MTUS1: variants seen among roughly 807,000 people sequenced by gnomAD.
The protein encoded by MTUS1 is microtubule associated scaffold protein 1.
A neutral mutation model predicts 120.8 loss-of-function variants in MTUS1; 109 were observed. The ratio of observed to expected loss-of-function variants is 0.90; its 90% CI spans 0.77 to 1.06. The LOEUF (loss-of-function observed/expected upper bound fraction) is 1.06. Ranked by LOEUF, MTUS1 falls within the 50% of genes least tolerant of loss-of-function variation. The pLI, the probability that MTUS1 is intolerant of heterozygous loss-of-function variation, is 0.00. For missense variants in MTUS1, 2,210 were observed against 1,486.3 expected (o/e 1.49, Z -8.01); for synonymous variants, 737 against 550.5 (o/e 1.34, Z -4.74).
intron 1 of MTUS1, among the ~76,000 whole-genome samples, chr8:17,776,397 C>A (rs1385408912): frequency 6.6e-6 from 1 of 152,088 alleles, no homozygotes; most frequent in African/African-American, 2.4e-5. Context: ...AGAAGTCTCA[C>A]ATACGAGGCC....
chr8:17,696,067 A>C (rs558829541), intron 6 of MTUS1, among the ~76,000 whole-genome samples: 71 of 152,264 alleles, frequency 4.7e-4, no homozygotes, highest in Non-Finnish European at 1.0e-3. Flanking sequence ...AATATAGGGC[A>C]CCCTTTGTTA....
At chr8:17,651,279 G>T (rs936922122) in intron 12 of MTUS1, among the ~76,000 whole-genome samples, 2 of 152,072 alleles carry the variant, frequency 1.3e-5, no homozygotes, top group East Asian at 3.9e-4. Context: ...TAGTGTTCAA[G>T]AACATAGTAG....
At chr8:17,652,068 G>C (rs1286657954) in intron 12 of MTUS1, among the ~76,000 whole-genome samples, 1 of 152,222 alleles carries the variant, frequency 6.6e-6, no homozygotes, top group Non-Finnish European at 1.5e-5. Flanking sequence ...ACTTTCTAGA[G>C]CTGGCCAGAG....
intron 1 of MTUS1, among the ~76,000 whole-genome samples, chr8:17,790,450 T>C (rs1362019745): frequency 1.3e-5 from 2 of 152,206 alleles, no homozygotes; most frequent in Admixed American, 6.5e-5. Context: ...AATCTAATTA[T>C]TCAAATGATT....
intron 7 of MTUS1, among the ~76,000 whole-genome samples, chr8:17,682,655 G>C (rs1814814079): frequency 6.6e-6 from 1 of 152,036 alleles, no homozygotes; most frequent in South Asian, 2.1e-4. Flanking sequence ...CACAGGACTT[G>C]ACTGACGTCA....
chr8:17,793,152 G>A (rs1054365031), intron 1 of MTUS1, among the ~76,000 whole-genome samples: 2 of 152,194 alleles, frequency 1.3e-5, no homozygotes, highest in African/African-American at 2.4e-5. Context: ...CACGAATAGG[G>A]AATGTCATAA....
intron 1 of MTUS1, among the ~76,000 whole-genome samples, chr8:17,782,335 A>G (rs1398012151): frequency 3.3e-5 from 5 of 152,236 alleles, no homozygotes. Context: ...CTATTTATAG[A>G]CATAACCATA....
At chr8:17,678,656 A>C (rs1813613767) in intron 7 of MTUS1, among the ~76,000 whole-genome samples, 1 of 151,558 alleles carries the variant, frequency 6.6e-6, no homozygotes, top group South Asian at 2.1e-4. Flanking sequence ...TGCTCAATGC[A>C]TCTATGTTTT....
At chr8:17,791,056 T>C (rs905751797) in intron 1 of MTUS1, among the ~76,000 whole-genome samples, 1 of 152,130 alleles carries the variant, frequency 6.6e-6, no homozygotes, top group Admixed American at 6.5e-5. Flanking sequence ...ACTTATTACT[T>C]CCACTCGCAT....
At chr8:17,682,961 G>T (rs1429593894) in intron 7 of MTUS1, among the ~76,000 whole-genome samples, 1 of 151,988 alleles carries the variant, frequency 6.6e-6, no homozygotes, top group Non-Finnish European at 1.5e-5. Context: ...TCTGGAGAAA[G>T]CTGTAAAATA....
rs1009672789 is a variant in MTUS1, at chr8:17,645,844, T to C, written c.*82A>G. On this transcript the variant is annotated 3_prime_UTR_variant, in exon 15 of 15. Transcript: ENST00000693296. ...ATCACACGTGTGCTGATATACCTCT[T>C]GTGCCCACGTTCCTCCTTGGGGTCA... The C allele has an allele frequency of 8.6e-6, 13 of 1,510,566 alleles. No individual in the cohort carries two copies. Among genetic ancestry groups the C allele is most frequent in the African/African-American group, 1.4e-5 (1 of 72,802 alleles). The allele number at this position is 1,510,566 out of a possible 1,614,324, so 93.6% of individuals were successfully genotyped here. A position where few individuals can be genotyped will look rare whatever the true frequency, so the allele number is the denominator to read the frequency against.
chr8:17,692,348 A>G (rs917390741), intron 6 of MTUS1: 13 of 152,176 alleles, frequency 8.5e-5, no homozygotes, highest in Admixed American at 3.3e-4. Context: ...TCCTTCCTGG[A>G]GCAGCTACTG....
chr8:17,772,840 G>T (rs2050118655), intron 1 of MTUS1, among the ~76,000 whole-genome samples: 1 of 152,004 alleles, frequency 6.6e-6, no homozygotes, highest in Admixed American at 6.6e-5. Context: ...AGGAATAAAA[G>T]GTAAGGAAAA....
intron 6 of MTUS1, among the ~76,000 whole-genome samples, chr8:17,685,102 T>A (rs972616845): frequency 1.3e-5 from 2 of 152,212 alleles, no homozygotes; most frequent in Admixed American, 1.3e-4. Context: ...TACTCAGATT[T>A]TGCCTCTTTA....
intron 10 of MTUS1, chr8:17,653,722 C>A (rs1183703612): frequency 8.7e-6 from 4 of 458,388 alleles, no homozygotes; most frequent in East Asian, 4.0e-5. Flanking sequence ...CTGAGGCCCA[C>A]TGAAGCCCAC....
intron 6 of MTUS1, among the ~76,000 whole-genome samples, chr8:17,706,690 T>A (rs1820234496): frequency 6.6e-6 from 1 of 152,218 alleles, no homozygotes; most frequent in African/African-American, 2.4e-5. Context: ...TTTAATAATC[T>A]ATCACAAGAA....
Position 17,743,687 on chromosome 8 carries a change from C to A in MTUS1, c.2204G>T (p.Cys735Phe), listed in dbSNP as rs1178830510. The A allele has an allele frequency of 6.2e-7, 1 of 1,614,158 alleles. No individual in the cohort carries two copies. The highest frequency in any genetic ancestry group is 8.5e-7 in the Non-Finnish European group (1 of 1,180,024). The change falls in exon 3 of 15, where the codon TGT (cysteine) becomes TTT (phenylalanine). Residue 735 changes from cysteine (C) to phenylalanine (F), a missense_variant. Transcript: ENST00000693296. ...TCTATTGTCACTGTTCCGCCTCAAA[C>A]AGGAAACAGGGGGCCCCACTTTGGC... The part of the protein sequence containing the change: ...PKAKVGPPVS[C>F]LRRNSDNRNP...
Position 17,755,266 on chromosome 8 carries a change from C to G in MTUS1, c.542G>C (p.Ser181Thr). 6.2e-7 allele frequency: 1 copy of G among 1,614,160 alleles called. No individual in the cohort carries two copies. The change falls in exon 2 of 15, where the codon AGT becomes ACT. Residue 181 changes from serine (S) to threonine (T), a missense_variant. Transcript: ENST00000693296. ...TFISHHAIGKSQSFHTAGSLP... is the reference protein window; with the variant it reads ...TFISHHAIGKTQSFHTAGSLP... ...GCTTCCAGCAGTATGGAAGGACTGA[C>G]TCTTTCCGATGGCATGATGTGATAT...
intron 8 of MTUS1, among the ~76,000 whole-genome samples, chr8:17,668,851 C>T (rs968059673): frequency 6.6e-6 from 1 of 152,180 alleles, no homozygotes; most frequent in African/African-American, 2.4e-5. Context: ...AGGCAGGCCC[C>T]AGTGTCTGCT....
Sources: gnomAD v4.1 joint callset for allele counts (sites outside exome capture counted in the v4.1 genomes callset) on GRCh38, gnomAD v4.1.1 for gene constraint, MANE v1.5 for transcripts, NCBI Gene and HGNC (gene_info 2026-07-23, HGNC 2026-07-21) for gene names.